FAT3: variants seen among roughly 807,000 people sequenced by gnomAD.
FAT3 encodes FAT atypical cadherin 3.
A neutral mutation model predicts 310.2 loss-of-function variants in FAT3; 95 were observed. The ratio of observed to expected loss-of-function variants is 0.31; its 90% confidence interval spans 0.26 to 0.36. The LOEUF (loss-of-function observed/expected upper bound fraction) is 0.36. Ranked by LOEUF, FAT3 falls within the 10% of genes least tolerant of loss-of-function variation. The pLI, the probability that FAT3 is intolerant of heterozygous loss-of-function variation, is 1.00. For missense variants in FAT3, 5,408 were observed against 5,715.6 expected, an observed-to-expected ratio of 0.95 and a Z score of 1.74; for synonymous variants, 2,314 against 2,192.9, an observed-to-expected ratio of 1.06 and a Z score of -1.54.
At chr11:92,608,720 C>CAATAATAATAATAAT (rs9299904) in intron 3 of FAT3, among the ~76,000 whole-genome samples, 4,292 of 145,090 alleles carry the variant, frequency 0.03, 123 homozygotes, top group African/African-American at 0.061. Flanking sequence ...CTGAATTCAG[C>CAATAATAATAATAAT]AATAATAATA....
intron 4 of FAT3, among the ~76,000 whole-genome samples, chr11:92,701,477 G>C (rs1478999419): frequency 2.0e-5 from 3 of 152,220 alleles, no homozygotes; most frequent in African/African-American, 7.2e-5. Context: ...GCAAAGAACT[G>C]TAGGCAAATT....
At chr11:92,396,224 A>T (rs1308272304) in intron 2 of FAT3, among the ~76,000 whole-genome samples, 1 of 152,204 alleles carries the variant, frequency 6.6e-6, no homozygotes, top group African/African-American at 2.4e-5. Context: ...AAACTTTCCA[A>T]GATGAATATG....
rs753236622 is a variant in FAT3, at chr11:92,669,035, A to C, written c.3608-28349A>C. Among the ~76,000 whole-genome samples the C allele has an allele frequency of 1.4e-4, 22 of 152,216 alleles. 1 individual carries two copies. Among genetic ancestry groups the C allele is most frequent in the Non-Finnish European group, 2.5e-4 (17 of 68,040 alleles). ...GCTGTTTTCAGTTATTTTAATTTAC[A>C]AGATTACAGGGGGTCCTGTGAAGCA... On this transcript the variant is annotated intron_variant, in intron 3 of 27. Transcript: ENST00000525166.
intron 2 of FAT3, among the ~76,000 whole-genome samples, chr11:92,473,141 T>G (rs543023840): frequency 6.6e-6 from 1 of 152,304 alleles, no homozygotes; most frequent in East Asian, 1.9e-4. Context: ...AGCCTTCACT[T>G]GTGACTCTGG....
intron 22 of FAT3, among the ~76,000 whole-genome samples, chr11:92,878,320 G>T (rs1359076390): frequency 6.6e-6 from 1 of 152,032 alleles, no homozygotes; most frequent in Non-Finnish European, 1.5e-5. Context: ...TAAGGTAACT[G>T]ATTATACATT....
rs1268232334 is a variant in FAT3, at chr11:92,550,045, A to G, written c.3607+25097A>G. Among the ~76,000 whole-genome samples the G allele has an allele frequency of 8.5e-5, 13 of 152,280 alleles. 1 individual carries two copies. Among genetic ancestry groups the G allele is most frequent in the Admixed American group, 3.9e-4 (6 of 15,304 alleles). ...TTAGGATTAATCCCACTTCTGATATACTCTAGAGCTTGTAGAGTCTGCATT... is the reference window on the plus strand; with the variant it reads ...TTAGGATTAATCCCACTTCTGATATGCTCTAGAGCTTGTAGAGTCTGCATT... On this transcript the variant is annotated intron_variant, in intron 3 of 27. Coordinates refer to ENST00000525166, the MANE Select transcript of FAT3 (RefSeq NM_001367949.2).
intron 3 of FAT3, among the ~76,000 whole-genome samples, chr11:92,563,596 T>A (rs1400567236): frequency 6.6e-6 from 1 of 152,132 alleles, no homozygotes; most frequent in East Asian, 1.9e-4. Context: ...AAGAAATTCT[T>A]GAGACTGAAT....
intron 2 of FAT3, among the ~76,000 whole-genome samples, chr11:92,471,435 A>G (rs902579471): frequency 6.6e-6 from 1 of 152,208 alleles, no homozygotes; most frequent in Non-Finnish European, 1.5e-5. Flanking sequence ...AACCAAAATG[A>G]TCAGTAAACA....
intron 2 of FAT3, among the ~76,000 whole-genome samples, chr11:92,385,697 C>T (rs1257393874): frequency 2.6e-5 from 4 of 152,136 alleles, no homozygotes; most frequent in Non-Finnish European, 5.9e-5. Flanking sequence ...CACCTCATCT[C>T]ATCAGCATTT....
intron 4 of FAT3, among the ~76,000 whole-genome samples, chr11:92,752,397 C>T (rs146441533): frequency 0.01 from 1,562 of 152,280 alleles, 15 homozygotes; most frequent in Non-Finnish European, 0.011. Flanking sequence ...ATTCAGTTTC[C>T]TTATTGGTTA....
chr11:92,692,122 A>T (rs1177625698), intron 3 of FAT3, among the ~76,000 whole-genome samples: 2 of 152,174 alleles, frequency 1.3e-5, no homozygotes, highest in African/African-American at 4.8e-5. Flanking sequence ...TGCTGAAAAA[A>T]ATTTTTAAAA....
intron 2 of FAT3, among the ~76,000 whole-genome samples, chr11:92,497,887 C>T (rs1192155725): frequency 1.3e-5 from 2 of 151,916 alleles, no homozygotes; most frequent in Non-Finnish European, 2.9e-5. Context: ...TTTCTGCAAG[C>T]GAAACAGGCA....
chr11:92,325,301 A>G (rs895267466), intron 1 of FAT3, among the ~76,000 whole-genome samples: 3 of 152,184 alleles, frequency 2.0e-5, no homozygotes, highest in African/African-American at 7.2e-5. Context: ...GAGCTACATG[A>G]AAGAAATTTT....
At chr11:92,532,519 G>A (rs1209904256) in intron 3 of FAT3, among the ~76,000 whole-genome samples, 1 of 152,230 alleles carries the variant, frequency 6.6e-6, no homozygotes, top group East Asian at 1.9e-4. Context: ...CAGGTTCTTT[G>A]TATTTTAAAG....
intron 1 of FAT3, among the ~76,000 whole-genome samples, chr11:92,344,346 C>G (rs1241712183): frequency 2.6e-4 from 39 of 152,204 alleles, no homozygotes; most frequent in Admixed American, 2.6e-3. Flanking sequence ...GGATGAGAAT[C>G]CTCCCTTTGT....
rs74497348 is a variant in FAT3 at position 92,463,601 on chromosome 11, G to A, written c.3293-61033G>A. 5.3e-4 allele frequency among the ~76,000 whole-genome samples: 80 copies of A among 152,182 alleles called. No individual in the cohort carries two copies. The East Asian group carries it at 0.014, about 27-fold the overall frequency. On this transcript the variant is annotated intron_variant, in intron 2 of 27. Transcript: ENST00000525166. ...CAATCAATGGTACCTATTTTTATTG[G>A]CATCAGAATTGACTTGGGGAGTTTA...
chr11:92,473,239 G>C (rs1213923821), intron 2 of FAT3, among the ~76,000 whole-genome samples: 1 of 152,058 alleles, frequency 6.6e-6, no homozygotes, highest in Non-Finnish European at 1.5e-5. Flanking sequence ...AATTGGCGCA[G>C]TACTTACCAT....
chr11:92,644,477 T>TA (rs1053427414), intron 3 of FAT3, among the ~76,000 whole-genome samples: 1 of 151,368 alleles, frequency 6.6e-6, no homozygotes, highest in African/African-American at 2.5e-5. Flanking sequence ...AAGACACACA[T>TA]ACCACCCCGC....
chr11:92,872,915 A>G (rs1949425728), intron 22 of FAT3, among the ~76,000 whole-genome samples: 1 of 152,222 alleles, frequency 6.6e-6, no homozygotes, highest in African/African-American at 2.4e-5. Flanking sequence ...AGAATCTCAC[A>G]TGATAACCTA....
Sources: allele counts gnomAD v4.1 joint callset (sites outside exome capture counted in the v4.1 genomes callset), GRCh38; gene constraint gnomAD v4.1.1; transcripts MANE v1.5; gene names NCBI Gene and HGNC (gene_info 2026-07-23, HGNC 2026-07-21).